CNTN4: variants seen among roughly 807,000 people sequenced by gnomAD.
The protein encoded by CNTN4 is contactin 4.
Under a neutral mutation model 122.5 loss-of-function variants are expected in CNTN4, and 77 were observed. The ratio of observed to expected loss-of-function variants is 0.63; its 90% CI spans 0.52 to 0.76. The LOEUF is 0.76. CNTN4 is among the 30% of genes least tolerant of loss of function. The probability of loss-of-function intolerance (pLI) is 0.00; values close to 1 mark genes in which losing one functional copy is unlikely to be tolerated. For missense variants in CNTN4, 1,256 were observed against 1,259.1 expected (o/e 1.00, Z 0.04); for synonymous variants, 512 against 447.0 (o/e 1.15, Z -1.83).
chr3:3,003,350 G>A (rs1388898375), intron 14 of CNTN4, among the ~76,000 whole-genome samples: 1 of 152,122 alleles, frequency 6.6e-6, no homozygotes, highest in African/African-American at 2.4e-5. Flanking sequence ...ATGCCCATCA[G>A]CTGATGAATG....
chr3:2,124,030 C>T (rs1268075167), intron 2 of CNTN4, among the ~76,000 whole-genome samples: 2 of 152,024 alleles, frequency 1.3e-5, no homozygotes, highest in Non-Finnish European at 2.9e-5. Context: ...TCCACAAAGA[C>T]AAAAAGCAAA....
At chr3:2,770,992 T>C (rs1003207710) in intron 6 of CNTN4, among the ~76,000 whole-genome samples, 3 of 152,202 alleles carry the variant, frequency 2.0e-5, no homozygotes, top group Non-Finnish European at 4.4e-5. Flanking sequence ...AAAAATACTG[T>C]TTCCCCTTCA....
Position 2,829,503 on chromosome 3 carries a change from T to A in CNTN4, c.454+9922T>A, listed in dbSNP as rs142793817. Reference sequence around the variant, plus strand: ...AAAAGGGAGGAATTGGGGCCTGGCATGTCTACAGGAGTGACTTGCTTCTCC... The same window carrying A: ...AAAAGGGAGGAATTGGGGCCTGGCAAGTCTACAGGAGTGACTTGCTTCTCC... On this transcript the variant is annotated intron_variant, in intron 7 of 24. Coordinates refer to ENST00000418658, the MANE Select transcript of CNTN4 (RefSeq NM_175607.3). Among the ~76,000 whole-genome samples the A allele has an allele frequency of 3.4e-3, 519 of 152,320 alleles. 3 individuals are homozygous for A. Among genetic ancestry groups the A allele is most frequent in the African/African-American group, 0.012 (502 of 41,558 alleles).
At chr3:2,328,135 T>G (rs1004388122) in intron 2 of CNTN4, among the ~76,000 whole-genome samples, 3 of 152,170 alleles carry the variant, frequency 2.0e-5, no homozygotes, top group African/African-American at 7.2e-5. Context: ...ATACACAGTT[T>G]TGGCCGGGCG....
In CNTN4 at chr3:2,713,975, C is replaced by G. The variant is rs922900400; in HGVS notation, c.56-22240C>G. Among the ~76,000 whole-genome samples, 7 of 152,242 alleles carry G rather than the reference C, an allele frequency of 4.6e-5. No individual in the cohort carries two copies. The East Asian group carries it at 1.4e-3, about 29-fold the overall frequency. On this transcript the variant is annotated intron_variant, in intron 4 of 24. Coordinates refer to ENST00000418658, the MANE Select transcript of CNTN4 (RefSeq NM_175607.3). ...GAAATGAGACAATGCATGTAAAGCA[C>G]TTAGTGAGAAGCCTGTCATGGAGAC...
intron 13 of CNTN4, among the ~76,000 whole-genome samples, chr3:2,958,387 C>G (rs1362950124): frequency 6.6e-6 from 1 of 152,088 alleles, no homozygotes; most frequent in Non-Finnish European, 1.5e-5. Context: ...CAGGGTGAGG[C>G]CTAGATATTG....
At chr3:2,902,416 T>A (rs2094184872) in intron 11 of CNTN4, among the ~76,000 whole-genome samples, 1 of 152,138 alleles carries the variant, frequency 6.6e-6, no homozygotes, top group Non-Finnish European at 1.5e-5. Flanking sequence ...TATTAAATAT[T>A]TGCCTCTGTT....
chr3:2,628,290 G>C (rs1354666314), intron 4 of CNTN4, among the ~76,000 whole-genome samples: 1 of 152,204 alleles, frequency 6.6e-6, no homozygotes, highest in Non-Finnish European at 1.5e-5. Context: ...GCAATTGTGA[G>C]GCAGCCAGGT....
chr3:2,614,906 C>G (rs961387537), intron 4 of CNTN4, among the ~76,000 whole-genome samples: 3 of 152,128 alleles, frequency 2.0e-5, no homozygotes, highest in Non-Finnish European at 4.4e-5. Context: ...TTCCACAGAG[C>G]CTTCTAAAGT....
chr3:2,709,623 C>G lies in CNTN4; in HGVS notation c.56-26592C>G, dbSNP rs1409012152. On this transcript the variant is annotated intron_variant, in intron 4 of 24. Coordinates refer to ENST00000418658, the MANE Select transcript of CNTN4 (RefSeq NM_175607.3). This position sits in a 1 kb window ranked among gnomAD's most constrained non-coding sequence, Gnocchi z 5.0. ...TTTTTAATAATTAATCATTTAAATT[C>G]CACAATGTGGCTGGGTGCGGTGGCT... 1.3e-5 allele frequency among the ~76,000 whole-genome samples: 2 copies of G among 152,108 alleles called. No homozygotes were observed. Among genetic ancestry groups the G allele is most frequent in the East Asian group, 3.8e-4 (2 of 5,202 alleles).
intron 4 of CNTN4, among the ~76,000 whole-genome samples, chr3:2,678,019 A>T (rs1327168992): frequency 6.6e-6 from 1 of 152,148 alleles, no homozygotes; most frequent in African/African-American, 2.4e-5. Context: ...CTCCCAGCAA[A>T]GCTTACCAGA....
At chr3:2,376,713 T>G (rs2045831808) in intron 3 of CNTN4, among the ~76,000 whole-genome samples, 2 of 148,506 alleles carry the variant, frequency 1.3e-5, no homozygotes, top group South Asian at 4.2e-4. Context: ...AAAGGTCAGG[T>G]TAACATATAA....
intron 2 of CNTN4, among the ~76,000 whole-genome samples, chr3:2,104,512 A>T (rs1319685554): frequency 6.6e-6 from 1 of 152,260 alleles, no homozygotes; most frequent in Non-Finnish European, 1.5e-5. Flanking sequence ...TTAGAGTTTT[A>T]TGGCTTTGTT....
chr3:2,729,313 C>T (rs1405602295), intron 4 of CNTN4, among the ~76,000 whole-genome samples: 2 of 151,974 alleles, frequency 1.3e-5, no homozygotes, highest in Non-Finnish European at 2.9e-5. Context: ...GCCTGTAATC[C>T]TAGCACTTTG....
At chr3:2,120,406 T>TATATATATAAATATATA (rs1491534107) in intron 2 of CNTN4, among the ~76,000 whole-genome samples, 2 of 24,576 alleles carry the variant, frequency 8.1e-5, no homozygotes, top group Non-Finnish European at 1.8e-4. Context: ...TATATATATA[T>TATATATATAAATATATA]TTTTTTTTTT....
intron 6 of CNTN4, among the ~76,000 whole-genome samples, chr3:2,796,912 T>C (rs933031916): frequency 2.0e-5 from 3 of 152,202 alleles, no homozygotes; most frequent in African/African-American, 7.2e-5. Context: ...ACCCCACCCC[T>C]ACTTCATACT....
intron 24 of CNTN4, 52 bp from the exon 25 acceptor site, chr3:3,056,068 C>T: frequency 1.4e-6 from 2 of 1,427,550 alleles, no homozygotes; most frequent in South Asian, 2.3e-5. Context: ...GCCCCTCTTC[C>T]CTTTGAAGCC....
Position 3,045,673 on chromosome 3 carries a change from T to G in CNTN4, c.2811+1969T>G, listed in dbSNP as rs574035460. Among the ~76,000 whole-genome samples, 226 of 152,094 alleles carry G rather than the reference T, an allele frequency of 1.5e-3. 1 individual carries two copies. Among genetic ancestry groups the G allele is most frequent in the Middle Eastern group, 6.8e-3 (2 of 294 alleles). ...CCAAAGGTAGATAAAACCACAGATA[T>G]GGGGAAAAAATAGAGCAGAAAAACT... On this transcript the variant is annotated intron_variant, in intron 23 of 24. Transcript: ENST00000418658.
chr3:2,768,365 TAGC>T (rs1011075780), intron 6 of CNTN4, among the ~76,000 whole-genome samples: 3 of 152,252 alleles, frequency 2.0e-5, no homozygotes, highest in African/African-American at 7.2e-5. Flanking sequence ...TGGCTACAGT[TAGC>T]AGGTAGGTAA....
Sources: gnomAD v4.1 joint callset for allele counts (sites outside exome capture counted in the v4.1 genomes callset) on GRCh38, gnomAD v4.1.1 for gene constraint, Gnocchi (gnomAD v3.1) non-coding constraint, MANE v1.5 for transcripts, NCBI Gene and HGNC (gene_info 2026-07-23, HGNC 2026-07-21) for gene names.